The following TNNC2 variants were observed in gnomAD, a reference collection of about 807,000 sequenced individuals.
TNNC2 encodes the protein troponin C2, fast skeletal type.
In TNNC2, 14 loss-of-function variants were observed where a neutral mutation model predicts 20.0. The ratio of observed to expected loss-of-function variants is 0.70; its 90% confidence interval spans 0.46 to 1.09. The LOEUF (loss-of-function observed/expected upper bound fraction) is 1.09. Ranked by LOEUF, TNNC2 falls within the 50% of genes least tolerant of loss-of-function variation. The pLI is 0.00. For synonymous variants in TNNC2, 81 were observed against 77.3 expected (o/e 1.05, Z -0.25); for missense variants, 163 against 223.8 (o/e 0.73, Z 1.73).
At chr20:45,827,388 A>C (rs1601056943), upstream of TNNC2, 5 of 1,095,180 alleles carry the variant, frequency 4.6e-6, no homozygotes, top group South Asian at 5.7e-5. Context: ...AGCACTGGAG[A>C]CCCTGCCCAA....
upstream of TNNC2, among the ~76,000 whole-genome samples, chr20:45,830,753 G>C (rs1237263940): frequency 2.6e-5 from 4 of 152,282 alleles, no homozygotes; most frequent in East Asian, 7.7e-4. Flanking sequence ...ACAATAATGG[G>C]AACAGGTGGC....
At chr20:45,825,265 C>T (rs997114514) in intron 1 of TNNC2, among the ~76,000 whole-genome samples, 1 of 152,148 alleles carries the variant, frequency 6.6e-6, no homozygotes, top group African/African-American at 2.4e-5. Flanking sequence ...GCTTGAGCCA[C>T]TGTGCCCAGC....
chr20:45,823,918 C>A lies in TNNC2; in HGVS notation c.451+73G>T. 1 of 1,601,912 alleles carries A rather than the reference C, an allele frequency of 6.2e-7. No homozygotes were observed. Among genetic ancestry groups the A allele is most frequent in the East Asian group, 2.2e-5 (1 of 44,788 alleles). On this transcript the variant is annotated intron_variant, in intron 5 of 5. Transcript: ENST00000372555. The surrounding 1 kb of genome is among the most constrained non-coding windows in gnomAD (Gnocchi z 4.6). ...GCCCACAAGGCCAAGGACACTGCAC[C>A]GGAGCCAGGCACCAGTGCCCGCCGT...
chr20:45,829,297 C>T (rs76698452), upstream of TNNC2, among the ~76,000 whole-genome samples: 4 of 151,530 alleles, frequency 2.6e-5, no homozygotes, highest in African/African-American at 7.3e-5. Context: ...CCCGAGTAGC[C>T]GGAATTACAG....
rs760623651 is a variant in TNNC2 at position 45,824,133 on chromosome 20, G to C, written c.315-6C>G. On this transcript the variant is annotated splice_region_variant and splice_polypyrimidine_tract_variant and intron_variant, in intron 4 of 5. Coordinates refer to ENST00000372555, the MANE Select transcript of TNNC2 (RefSeq NM_003279.3). Reference sequence around the variant, plus strand: ...CGATGTAGCCGTCTGCATTCCTTCAGGTCCGAGGGACAGGGCAGGGCTCAG... The same window carrying C: ...CGATGTAGCCGTCTGCATTCCTTCACGTCCGAGGGACAGGGCAGGGCTCAG... The C allele has an allele frequency of 3.1e-6, 5 of 1,613,402 alleles. No individual in the cohort carries two copies. The highest frequency in any genetic ancestry group is 4.2e-6 in the Non-Finnish European group (5 of 1,179,914).
At position 45,823,947 on chromosome 20, in the gene TNNC2, C is replaced by G; in HGVS notation, c.451+44G>C. 6.2e-7 allele frequency: 1 copy of G among 1,612,284 alleles called. No homozygotes were observed. The highest frequency in any genetic ancestry group is 8.5e-7 in the Non-Finnish European group (1 of 1,178,842). ...GCCAGGCACCAGTGCCCGCCGTCCT[C>G]TGGGGCTCCCACCCGCTCTTCCCAA... On this transcript the variant is annotated intron_variant, in intron 5 of 5. Transcript: ENST00000372555. The surrounding 1 kb of genome is among the most constrained non-coding windows in gnomAD (Gnocchi z 4.6).
At chr20:45,828,257 C>T (rs575054589), upstream of TNNC2, among the ~76,000 whole-genome samples, 20 of 149,294 alleles carry the variant, frequency 1.3e-4, no homozygotes, top group South Asian at 4.1e-3. Flanking sequence ...AGGCTGGTCT[C>T]GAACTCCTAG....
In TNNC2 at chr20:45,824,090, C is replaced by T; in HGVS notation, c.352G>A (p.Glu118Lys). The change falls in exon 5 of 6, where the codon GAG becomes AAG. Residue 118 changes from glutamate (E) to lysine (K), a missense_variant. Coordinates refer to ENST00000372555, the MANE Select transcript of TNNC2 (RefSeq NM_003279.3). ...DGYIDPEELA[E>K]IFRASGEHVT... Reference sequence around the variant, plus strand: ...TGCTCCCCGGAGGCCCTGAAAATCTCAGCCAGCTCCTCCGGGTCGATGTAG... The same window carrying T: ...TGCTCCCCGGAGGCCCTGAAAATCTTAGCCAGCTCCTCCGGGTCGATGTAG... 1 of 1,614,120 alleles carries T rather than the reference C, an allele frequency of 6.2e-7. No homozygotes were observed. Among genetic ancestry groups the T allele is most frequent in the East Asian group, 2.2e-5 (1 of 44,878 alleles).
chr20:45,825,167 G>A (rs1982935533), intron 1 of TNNC2, among the ~76,000 whole-genome samples: 1 of 152,036 alleles, frequency 6.6e-6, no homozygotes, highest in Admixed American at 6.6e-5. Flanking sequence ...TGTAGAGATG[G>A]GGTCCCACTA....
chr20:45,829,689 G>A (rs1983064288), upstream of TNNC2, among the ~76,000 whole-genome samples: 1 of 151,598 alleles, frequency 6.6e-6, no homozygotes, highest in African/African-American at 2.4e-5. Context: ...CTGAGGCTGA[G>A]GCAGGAGAAT....
At chr20:45,828,789 G>C (rs1029445370), upstream of TNNC2, among the ~76,000 whole-genome samples, 3 of 152,090 alleles carry the variant, frequency 2.0e-5, no homozygotes, top group Non-Finnish European at 2.9e-5. Flanking sequence ...GGCCAGGAAA[G>C]GGGGGCTGGA....
chr20:45,825,593 G>A (rs1490556610), intron 1 of TNNC2, among the ~76,000 whole-genome samples: 1 of 151,788 alleles, frequency 6.6e-6, no homozygotes, highest in Admixed American at 6.6e-5. Flanking sequence ...TGCCCGGCCT[G>A]ACCCCAGTTT....
At chr20:45,832,146 T>C (rs1983127422), upstream of TNNC2, among the ~76,000 whole-genome samples, 1 of 152,122 alleles carries the variant, frequency 6.6e-6, no homozygotes, top group Admixed American at 6.5e-5. Flanking sequence ...ACCCCACCTC[T>C]ACTAAAAATA....
Position 45,824,522 on chromosome 20 carries a change from C to T in TNNC2, c.172G>A (p.Ala58Thr). Reference protein sequence around the residue: ...GQTPTKEELDAIIEEVDEDGS... With the variant: ...GQTPTKEELDTIIEEVDEDGS... ...TCCTCATCCACCTCCTCGATGATGG[C>T]GTCCAGCTCCTCCTTGGTGGGTGTC... The change falls in exon 3 of 6, where the codon GCC becomes ACC. Residue 58 changes from alanine (A) to threonine (T), a missense_variant. Physicochemically the swap from Ala to Thr is moderately conservative, Grantham distance 58. Coordinates refer to ENST00000372555, the MANE Select transcript of TNNC2 (RefSeq NM_003279.3). 3 of 1,613,734 alleles carry T rather than the reference C, an allele frequency of 1.9e-6. No individual in the cohort carries two copies. Among genetic ancestry groups the T allele is most frequent in the Non-Finnish European group, 2.5e-6 (3 of 1,180,016 alleles).
chr20:45,828,785 GA>G (rs1983037711), upstream of TNNC2, among the ~76,000 whole-genome samples: 1 of 152,146 alleles, frequency 6.6e-6, no homozygotes, highest in Non-Finnish European at 1.5e-5. Context: ...CTGGGGCCAG[GA>G]AAGGGGGGCT....
At chr20:45,829,785 CAAA>C (rs796645068), upstream of TNNC2, among the ~76,000 whole-genome samples, 1 of 130,676 alleles carries the variant, frequency 7.7e-6, no homozygotes. Context: ...GACCCCGTCT[CAAA>C]AAAAAAAAAA....
chr20:45,823,873 G>T lies in TNNC2; in HGVS notation c.451+118C>A. 4 of 1,521,558 alleles carry T rather than the reference G, an allele frequency of 2.6e-6. No individual in the cohort carries two copies. The South Asian group carries it at 3.7e-5, about 14-fold the overall frequency. 94.3% of individuals were successfully genotyped at this position (1,521,558 alleles called of 1,614,324 possible). On this transcript the variant is annotated intron_variant, in intron 5 of 5. Coordinates refer to ENST00000372555, the MANE Select transcript of TNNC2 (RefSeq NM_003279.3). The surrounding 1 kb of genome is among the most constrained non-coding windows in gnomAD (Gnocchi z 4.6). ...CCCCCAGGAGACTATGGGGAACTTG[G>T]TGAAGTTACGCCCAGCCCAGCCCAC...
At chr20:45,831,886 T>C (rs1311015475), upstream of TNNC2, among the ~76,000 whole-genome samples, 1 of 152,232 alleles carries the variant, frequency 6.6e-6, no homozygotes, top group East Asian at 1.9e-4. Context: ...ATGTAAGGCA[T>C]ATACCGAAGG....
In TNNC2 at chr20:45,823,498, C is replaced by CA; in HGVS notation, c.452-120dup. On this transcript the variant is annotated intron_variant, in intron 5 of 5. Transcript: ENST00000372555. The surrounding 1 kb of genome is among the most constrained non-coding windows in gnomAD (Gnocchi z 4.6). Reference sequence around the variant, plus strand: ...TTTTGTTTTTGTTGAGACAGAGTCTCACTCTGTTGCCAAGGTCGCCAAGGT... The same window carrying CA: ...TTTTGTTTTTGTTGAGACAGAGTCTCAACTCTGTTGCCAAGGTCGCCAAGGT... 2 of 1,008,122 alleles carry CA rather than the reference C, an allele frequency of 2.0e-6. No homozygotes were observed. Among genetic ancestry groups the CA allele is most frequent in the Non-Finnish European group, 2.9e-6 (2 of 695,540 alleles). The allele number at this position is 1,008,122 out of a possible 1,614,324, so 62.4% of individuals were successfully genotyped here.
Sources: allele counts gnomAD v4.1 joint callset (sites outside exome capture counted in the v4.1 genomes callset), GRCh38; gene constraint gnomAD v4.1.1; non-coding constraint Gnocchi (gnomAD v3.1); transcripts MANE v1.5; gene names NCBI Gene and HGNC (gene_info 2026-07-23, HGNC 2026-07-21).